The following CRADD variants were observed in gnomAD, a reference collection of about 807,000 sequenced individuals.
CRADD encodes CARD and death domain containing adaptor protein.
A neutral mutation model predicts 15.5 loss-of-function variants in CRADD; 9 were observed. That is an observed-to-expected ratio of 0.58 (90% CI 0.35 to 1.01). The LOEUF is 1.01. CRADD is among the 50% of genes least tolerant of loss of function. The probability of loss-of-function intolerance (pLI) is 0.02; values close to 1 mark genes in which losing one functional copy is unlikely to be tolerated. For synonymous variants in CRADD, 118 were observed against 107.6 expected (o/e 1.10, Z -0.60); for missense variants, 227 against 250.3 (o/e 0.91, Z 0.63).
At chr12:93,861,868 G>T (rs1280249324) in intron 2 of CRADD, among the ~76,000 whole-genome samples, 2 of 152,094 alleles carry the variant, frequency 1.3e-5, no homozygotes, top group African/African-American at 4.8e-5. Flanking sequence ...GTTTGGCTGT[G>T]TCCCGACCCA....
At chr12:93,841,983 GT>G (rs1958052935) in intron 2 of CRADD, among the ~76,000 whole-genome samples, 1 of 152,034 alleles carries the variant, frequency 6.6e-6, no homozygotes, top group East Asian at 1.9e-4. Flanking sequence ...GACCAACCCA[GT>G]CACCGTCGTA....
At chr12:93,756,945 T>C (rs1408236831) in intron 2 of CRADD, among the ~76,000 whole-genome samples, 1 of 152,208 alleles carries the variant, frequency 6.6e-6, no homozygotes, top group African/African-American at 2.4e-5. Flanking sequence ...CAGAAATGAT[T>C]CAGTTTAACA....
chr12:93,725,595 G>C (rs1956347981), intron 2 of CRADD, among the ~76,000 whole-genome samples: 1 of 152,194 alleles, frequency 6.6e-6, no homozygotes. Flanking sequence ...AAAATAAAAA[G>C]CTGGGAATAT....
intron 2 of CRADD, among the ~76,000 whole-genome samples, chr12:93,731,089 C>T (rs375085594): frequency 6.6e-6 from 1 of 152,054 alleles, no homozygotes; most frequent in South Asian, 2.1e-4. Context: ...TGTGGTGCAA[C>T]TTTATATTTG....
intron 2 of CRADD, among the ~76,000 whole-genome samples, chr12:93,798,365 G>A (rs1478253178): frequency 1.3e-5 from 2 of 152,160 alleles, no homozygotes; most frequent in Non-Finnish European, 2.9e-5. Flanking sequence ...AGGGTAAGGT[G>A]AAGGGTTATA....
chr12:93,793,148 C>T (rs942747491), intron 2 of CRADD, among the ~76,000 whole-genome samples: 6 of 152,086 alleles, frequency 3.9e-5, no homozygotes, highest in African/African-American at 1.4e-4. Context: ...AAGACGTGCA[C>T]GGGGGATTAT....
At position 93,759,014 on chromosome 12, in the gene CRADD, G is replaced by A. The variant is rs193089830; in HGVS notation, c.298+79942G>A. ...TCCTCACAGGTTTCCAGGAATTCAA[G>A]GCCTAAGAAACATTCTACTAAGAAC... On this transcript the variant is annotated intron_variant, in intron 2 of 2. Transcript: ENST00000332896. Among the ~76,000 whole-genome samples, 22 of 152,164 alleles carry A rather than the reference G, an allele frequency of 1.4e-4. No individual in the cohort carries two copies. In the East Asian group the frequency reaches 4.1e-3, roughly 28 times the overall value.
At chr12:93,768,689 T>C (rs1008346879) in intron 2 of CRADD, among the ~76,000 whole-genome samples, 1 of 152,214 alleles carries the variant, frequency 6.6e-6, no homozygotes, top group Non-Finnish European at 1.5e-5. Flanking sequence ...AAACATTTTC[T>C]GGCAATATAA....
At chr12:93,835,949 C>T (rs549982861) in intron 2 of CRADD, among the ~76,000 whole-genome samples, 1 of 152,172 alleles carries the variant, frequency 6.6e-6, no homozygotes, top group East Asian at 1.9e-4. Flanking sequence ...TATTTCCTGT[C>T]CTGTTCACTT....
chr12:93,809,700 A>G (rs1957597406), intron 2 of CRADD, among the ~76,000 whole-genome samples: 1 of 152,208 alleles, frequency 6.6e-6, no homozygotes, highest in African/African-American at 2.4e-5. Flanking sequence ...TTTCTTTATA[A>G]TTGAATGAAC....
intron 2 of CRADD, among the ~76,000 whole-genome samples, chr12:93,827,939 G>A (rs1484116808): frequency 6.6e-6 from 1 of 152,120 alleles, no homozygotes; most frequent in Non-Finnish European, 1.5e-5. Flanking sequence ...GTTTCTATGA[G>A]TTTGACTATA....
intron 2 of CRADD, among the ~76,000 whole-genome samples, chr12:93,718,906 T>C (rs527681223): frequency 6.6e-6 from 1 of 152,106 alleles, no homozygotes; most frequent in South Asian, 2.1e-4. Context: ...AATACAGATG[T>C]GCACCACCAT....
At chr12:93,773,038 A>T (rs79335816) in intron 2 of CRADD, among the ~76,000 whole-genome samples, 3 of 152,336 alleles carry the variant, frequency 2.0e-5, no homozygotes, top group Admixed American at 6.5e-5. Flanking sequence ...AAGCAGTATG[A>T]TGTTGAGCAA....
chr12:93,805,575 T>TATAA (rs10671111), intron 2 of CRADD, among the ~76,000 whole-genome samples: 2,403 of 150,160 alleles, frequency 0.016, 63 homozygotes, highest in African/African-American at 0.051. Flanking sequence ...GTTTTGTGTG[T>TATAA]ATAAATAAAT....
chr12:93,719,823 G>C (rs1341519794), intron 2 of CRADD, among the ~76,000 whole-genome samples: 1 of 151,974 alleles, frequency 6.6e-6, no homozygotes, highest in Non-Finnish European at 1.5e-5. Context: ...TTTGTATTCT[G>C]TCTCCTTTTT....
chr12:93,749,775 C>T (rs1378404583), intron 2 of CRADD, among the ~76,000 whole-genome samples: 1 of 152,196 alleles, frequency 6.6e-6, no homozygotes, highest in Non-Finnish European at 1.5e-5. Flanking sequence ...GGCATGCTTT[C>T]TCTTTTAAGC....
intron 2 of CRADD, among the ~76,000 whole-genome samples, chr12:93,763,071 T>C (rs1056819802): frequency 6.6e-6 from 1 of 152,230 alleles, no homozygotes; most frequent in Non-Finnish European, 1.5e-5. Flanking sequence ...ATGCTAGAAC[T>C]TCACATCTGT....
chr12:93,700,270 A>G (rs1229030443), intron 2 of CRADD, among the ~76,000 whole-genome samples: 2 of 152,208 alleles, frequency 1.3e-5, no homozygotes, highest in African/African-American at 2.4e-5. Flanking sequence ...TGCTTCTCCA[A>G]ACTACTTTGT....
chr12:93,727,655 G>C (rs952682708), intron 2 of CRADD, among the ~76,000 whole-genome samples: 2 of 152,182 alleles, frequency 1.3e-5, no homozygotes, highest in African/African-American at 4.8e-5. Context: ...TATGAGCAGA[G>C]GCATGTAAGG....
Sources: gnomAD v4.1 joint callset for allele counts (sites outside exome capture counted in the v4.1 genomes callset) on GRCh38, gnomAD v4.1.1 for gene constraint, MANE v1.5 for transcripts, NCBI Gene and HGNC (gene_info 2026-07-23, HGNC 2026-07-21) for gene names.